Variants in MAD1L1 observed in about 807,000 individuals in gnomAD.
The protein encoded by MAD1L1 is mitotic spindle assembly checkpoint protein MAD1.
MAD1L1 carries 95 observed loss-of-function variants against 96.9 expected under a neutral mutation model. The observed-to-expected ratio is 0.98, with a 90% CI of 0.83 to 1.16. MAD1L1 has a LOEUF of 1.16. Ranked by LOEUF, MAD1L1 falls within the 50% of genes most tolerant of loss-of-function variation. The pLI, the probability that MAD1L1 is intolerant of heterozygous loss-of-function variation, is 0.00. For missense variants in MAD1L1, 1,007 were observed against 954.4 expected (o/e 1.06, Z -0.73); for synonymous variants, 473 against 396.6 (o/e 1.19, Z -2.29).
intron 17 of MAD1L1, among the ~76,000 whole-genome samples, chr7:1,923,273 T>C (rs1047005139): frequency 1.3e-5 from 2 of 152,220 alleles, no homozygotes; most frequent in Non-Finnish European, 2.9e-5. Context: ...TTTCTGTCAC[T>C]GGTTGGGTGT....
At chr7:1,858,761 A>G (rs1247644551) in intron 18 of MAD1L1, among the ~76,000 whole-genome samples, 2 of 152,226 alleles carry the variant, frequency 1.3e-5, no homozygotes, top group East Asian at 3.8e-4. Flanking sequence ...CTAGGCCACC[A>G]TGGGGTCCCA....
At chr7:2,092,494 G>C (rs1236759759) in intron 11 of MAD1L1, among the ~76,000 whole-genome samples, 1 of 151,856 alleles carries the variant, frequency 6.6e-6, no homozygotes, top group Non-Finnish European at 1.5e-5. Flanking sequence ...CCCCGCCTAA[G>C]CATCCTCCCT....
intron 17 of MAD1L1, among the ~76,000 whole-genome samples, chr7:1,928,597 CCTT>C (rs890641829): frequency 6.6e-6 from 1 of 152,222 alleles, no homozygotes; most frequent in African/African-American, 2.4e-5. Context: ...AGACGCCAGC[CCTT>C]CTTCTCCAAC....
chr7:2,060,443 C>T (rs896195243), intron 12 of MAD1L1, among the ~76,000 whole-genome samples: 13 of 152,154 alleles, frequency 8.5e-5, no homozygotes, highest in African/African-American at 2.4e-4. Context: ...GCTGAGATAA[C>T]GCCGATGCCG....
intron 11 of MAD1L1, among the ~76,000 whole-genome samples, chr7:2,086,213 G>A (rs1178386773): frequency 6.6e-6 from 1 of 152,218 alleles, no homozygotes; most frequent in African/African-American, 2.4e-5. Flanking sequence ...TGCCTGGTAG[G>A]GAAGAAGCTC....
intron 16 of MAD1L1, among the ~76,000 whole-genome samples, chr7:1,955,473 T>C (rs1196066802): frequency 6.6e-6 from 1 of 152,190 alleles, no homozygotes; most frequent in Non-Finnish European, 1.5e-5. Context: ...GTATTTTTAG[T>C]AGAGGCAGGG....
intron 16 of MAD1L1, among the ~76,000 whole-genome samples, chr7:1,946,314 C>T (rs1329022622): frequency 6.6e-6 from 1 of 152,192 alleles, no homozygotes; most frequent in East Asian, 1.9e-4. Flanking sequence ...ACCTAGGGCG[C>T]TGAGCACTGT....
chr7:2,172,529 A>G (rs1210000898), intron 10 of MAD1L1, among the ~76,000 whole-genome samples: 1 of 152,214 alleles, frequency 6.6e-6, no homozygotes, highest in Non-Finnish European at 1.5e-5. Context: ...CACTGCCTGC[A>G]CCGTGTGCTT....
At chr7:2,017,307 G>A (rs1417387022) in intron 12 of MAD1L1, among the ~76,000 whole-genome samples, 3 of 152,214 alleles carry the variant, frequency 2.0e-5, no homozygotes, top group African/African-American at 7.2e-5. Flanking sequence ...CTCGCTTTAA[G>A]AAGCACCCAG....
chr7:1,862,277 C>T (rs1341767309), intron 18 of MAD1L1, among the ~76,000 whole-genome samples: 4 of 152,226 alleles, frequency 2.6e-5, no homozygotes, highest in African/African-American at 9.6e-5. Context: ...CTGGCCCCAG[C>T]TGTGAGGACT....
intron 15 of MAD1L1, among the ~76,000 whole-genome samples, chr7:1,966,842 C>T (rs1780191031): frequency 6.6e-6 from 1 of 152,238 alleles, no homozygotes; most frequent in Non-Finnish European, 1.5e-5. Context: ...GCGCTGCGTG[C>T]GCAGGGCAGA....
At chr7:2,043,549 G>A (rs182810960) in intron 12 of MAD1L1, among the ~76,000 whole-genome samples, 157 of 152,372 alleles carry the variant, frequency 1.0e-3, no homozygotes, top group African/African-American at 3.7e-3. Context: ...TTGGGAACGT[G>A]ATGCCCGGGT....
chr7:1,979,042 G>A (rs1439680378), intron 15 of MAD1L1, among the ~76,000 whole-genome samples: 2 of 152,226 alleles, frequency 1.3e-5, no homozygotes, highest in African/African-American at 4.8e-5. Flanking sequence ...CACTTCCTGG[G>A]CCGGGGCCAC....
chr7:2,161,345 G>A (rs1790112917), intron 10 of MAD1L1, among the ~76,000 whole-genome samples: 2 of 152,030 alleles, frequency 1.3e-5, no homozygotes, highest in Admixed American at 1.3e-4. Context: ...GACCGCGAGT[G>A]ATCTGCCAGC....
chr7:2,109,445 G>A (rs1422291919), intron 11 of MAD1L1: 4 of 152,224 alleles, frequency 2.6e-5, no homozygotes, highest in East Asian at 1.9e-4. Context: ...GGGCCCCAAG[G>A]ACTCTGTCAT....
chr7:1,923,346 G>A (rs1395902040), intron 17 of MAD1L1, among the ~76,000 whole-genome samples: 2 of 151,838 alleles, frequency 1.3e-5, no homozygotes, highest in African/African-American at 2.4e-5. Flanking sequence ...AGCACAAGAC[G>A]CACACAGCTT....
intron 10 of MAD1L1, among the ~76,000 whole-genome samples, chr7:2,181,182 C>T (rs770508978): frequency 6.6e-6 from 1 of 152,222 alleles, no homozygotes; most frequent in Non-Finnish European, 1.5e-5. Flanking sequence ...TGATTGATTG[C>T]TTTCTCCACC....
chr7:1,851,969 C>T (rs913389658), intron 18 of MAD1L1, among the ~76,000 whole-genome samples: 5 of 152,210 alleles, frequency 3.3e-5, no homozygotes, highest in Non-Finnish European at 5.9e-5. Context: ...GGGCCCGGCA[C>T]GGGTGGGCGG....
chr7:2,017,262 C>G (rs542024519), intron 12 of MAD1L1, among the ~76,000 whole-genome samples: 1 of 152,238 alleles, frequency 6.6e-6, no homozygotes, highest in Non-Finnish European at 1.5e-5. Context: ...GCTGAACAAA[C>G]AGGCGGCTGG....
Sources: gnomAD v4.1 joint callset for allele counts (sites outside exome capture counted in the v4.1 genomes callset) on GRCh38, gnomAD v4.1.1 for gene constraint, MANE v1.5 for transcripts, NCBI Gene and HGNC (gene_info 2026-07-23, HGNC 2026-07-21) for gene names.